PCNX1: variants seen among roughly 807,000 people sequenced by gnomAD.
PCNX1 encodes the protein pecanex-like protein 1.
PCNX1 carries 78 observed loss-of-function variants against 242.2 expected under a neutral mutation model. The observed-to-expected ratio is 0.32, with a 90% CI of 0.27 to 0.39. The LOEUF (loss-of-function observed/expected upper bound fraction) is 0.39, where lower values mean the gene tolerates loss of function less well. PCNX1 is among the 10% of genes least tolerant of loss of function. The pLI, the probability that PCNX1 is intolerant of heterozygous loss-of-function variation, is 1.00. For missense variants in PCNX1, 2,581 were observed against 2,856.5 expected (o/e 0.90, Z 2.20); for synonymous variants, 1,024 against 1,032.9 (o/e 0.99, Z 0.17).
Position 70,978,028 on chromosome 14 carries a change from C to G in PCNX1, c.1691C>G (p.Thr564Arg), listed in dbSNP as rs1566649444. The stretch of plus-strand genomic sequence containing the variant: ...GCCCACAAGTCAGGCAGGAGACGCA[C>G]AGGAAAAAAACGGGCTAGCAGTTTT... ...ASAHKSGRRRTGKKRASSFDS... is the reference protein window; with the variant it reads ...ASAHKSGRRRRGKKRASSFDS... Residue 564 changes from threonine (T) to arginine (R), a missense_variant, in exon 6 of 36, where the codon ACA becomes AGA. This residue lies in a region of PCNX1 where 1,204 missense variants were observed against 1,216.7 expected (regional missense o/e 0.99). Coordinates refer to ENST00000304743, the MANE Select transcript of PCNX1 (RefSeq NM_014982.3). 2 of 1,614,018 alleles carry G rather than the reference C, an allele frequency of 1.2e-6. No homozygotes were observed. Among genetic ancestry groups the G allele is most frequent in the Non-Finnish European group, 1.7e-6 (2 of 1,179,996 alleles).
chr14:70,996,000 T>G (rs2059340055), intron 8 of PCNX1, 75 bp downstream of exon 8: 1 of 1,107,012 alleles, frequency 9.0e-7, no homozygotes, highest in Non-Finnish European at 1.4e-6. Context: ...TTGCAGTTCT[T>G]TTTTGAGATA....
chr14:70,955,851 T>A, intron 2 of PCNX1, among the ~76,000 whole-genome samples: 1 of 152,282 alleles, frequency 6.6e-6, no homozygotes, highest in East Asian at 1.9e-4. Context: ...GCAGAAATTT[T>A]ACTAGAGGGT....
chr14:71,001,319 A>G (rs528153676), intron 8 of PCNX1, among the ~76,000 whole-genome samples: 2 of 152,224 alleles, frequency 1.3e-5, no homozygotes, highest in East Asian at 3.9e-4. Context: ...GGGAATATAC[A>G]TTTTTGGGGC....
intron 29 of PCNX1, 129 bp downstream of exon 29, chr14:71,088,559 C>A (rs2062050905): frequency 1.9e-6 from 1 of 534,210 alleles, no homozygotes; most frequent in Non-Finnish European, 3.4e-6. Context: ...TTTTATATTT[C>A]TATACATCAT....
intron 28 of PCNX1, among the ~76,000 whole-genome samples, chr14:71,087,020 A>G (rs1397142885): frequency 2.0e-5 from 3 of 152,186 alleles, no homozygotes; most frequent in African/African-American, 7.2e-5. Flanking sequence ...CACAGAAACA[A>G]TACATTTTTA....
intron 26 of PCNX1, among the ~76,000 whole-genome samples, chr14:71,058,709 C>G (rs2061246703): frequency 1.3e-5 from 2 of 152,198 alleles, no homozygotes. Context: ...GGAGCAAGTA[C>G]TAGTCTAGAA....
intron 2 of PCNX1, 64 bp from the exon 3 acceptor site, chr14:70,962,159 TAAC>T (rs2058237812): frequency 3.1e-6 from 3 of 978,186 alleles, no homozygotes; most frequent in Non-Finnish European, 4.8e-6. Context: ...CTTAAAAAAT[TAAC>T]AAAGGAAAAG....
chr14:71,027,307 T>G (rs1445903560), intron 15 of PCNX1: 2 of 152,348 alleles, frequency 1.3e-5, no homozygotes, highest in African/African-American at 4.8e-5. Flanking sequence ...TGTTTTATCC[T>G]TAGAATGGTA....
rs59575910 is a variant in PCNX1 at position 70,977,684 on chromosome 14, T to C, written c.1347T>C (p.Thr449=). The change falls in exon 6 of 36, where the codon ACT becomes ACC. Residue 449 remains threonine, a synonymous_variant. Coordinates refer to ENST00000304743, the MANE Select transcript of PCNX1 (RefSeq NM_014982.3). ...EKNSCASDKR[T]SSEKIAMEAS... ...ATAGCTGTGCCAGTGACAAAAGGAC[T>C]AGCAGTGAAAAGATTGCTATGGAAG... The C allele has an allele frequency of 1.6e-3, 2,660 of 1,614,046 alleles. 43 individuals are homozygous for C. In the African/African-American group the frequency reaches 0.03, roughly 18 times the overall value.
chr14:70,942,093 C>T (rs1184979482), intron 1 of PCNX1, among the ~76,000 whole-genome samples: 1 of 152,118 alleles, frequency 6.6e-6, no homozygotes, highest in African/African-American at 2.4e-5. Context: ...TGAGGTGATG[C>T]CCAGTCCTGC....
intron 15 of PCNX1, among the ~76,000 whole-genome samples, chr14:71,027,460 G>T (rs1363939554): frequency 1.3e-5 from 2 of 151,866 alleles, no homozygotes. Flanking sequence ...ATAATGGTTT[G>T]TAGAACTTGA....
At chr14:71,017,761 A>C (rs919692592) in intron 11 of PCNX1, among the ~76,000 whole-genome samples, 1 of 152,238 alleles carries the variant, frequency 6.6e-6, no homozygotes, top group African/African-American at 2.4e-5. Context: ...TGGATTTAGC[A>C]AATCTGAAAT....
Position 71,101,547 on chromosome 14 carries a change from A to AT in PCNX1, c.5590-442dup, listed in dbSNP as rs536646668. On this transcript the variant is annotated intron_variant, in intron 30 of 35. Transcript: ENST00000304743. ...TAGGTGAGAGGCAGGATAAAGTGAT[A>AT]TATTAGAACCCATTTTAGAGATACG... Among the ~76,000 whole-genome samples, 20 of 152,308 alleles carry AT rather than the reference A, an allele frequency of 1.3e-4. No individual in the cohort carries two copies. In the East Asian group the frequency reaches 3.7e-3, roughly 28 times the overall value.
At chr14:71,031,539 A>T in intron 16 of PCNX1, 1 of 432,100 alleles carries the variant, frequency 2.3e-6, no homozygotes. Context: ...GACAGCACAC[A>T]AGAATGCCCC....
intron 9 of PCNX1, among the ~76,000 whole-genome samples, chr14:71,010,425 C>T (rs969797613): frequency 9.9e-5 from 15 of 151,900 alleles, no homozygotes; most frequent in African/African-American, 3.6e-4. Flanking sequence ...AAATAATCAA[C>T]TTTCATTTTG....
At chr14:71,060,860 G>A (rs189887276) in intron 26 of PCNX1, 6 of 152,300 alleles carry the variant, frequency 3.9e-5, no homozygotes, top group Admixed American at 1.3e-4. Flanking sequence ...GTTTGTTTGC[G>A]ATATTGAAAG....
At chr14:70,910,015 C>G (rs1163564628) in intron 1 of PCNX1, among the ~76,000 whole-genome samples, 2 of 122,762 alleles carry the variant, frequency 1.6e-5, no homozygotes, top group East Asian at 4.8e-4. Context: ...CAAAACCTAA[C>G]TAGACGACGA....
chr14:71,096,464 C>G (rs2062284343), intron 30 of PCNX1, among the ~76,000 whole-genome samples: 1 of 152,152 alleles, frequency 6.6e-6, no homozygotes, highest in Non-Finnish European at 1.5e-5. Context: ...AAGTGAGATC[C>G]TGTCTCAAAA....
rs764331706 is a variant in PCNX1 at position 71,109,643 on chromosome 14, C to T, written c.6885+51C>T. ...CTGGGGCTCTGCCTTTTTTGAAGTC[C>T]GCCTCACTTGGATGCATGGTTTTAG... On this transcript the variant is annotated intron_variant, in intron 35 of 35. Coordinates refer to ENST00000304743, the MANE Select transcript of PCNX1 (RefSeq NM_014982.3). 118 of 1,605,218 alleles carry T rather than the reference C, an allele frequency of 7.4e-5. 1 individual carries two copies. Among genetic ancestry groups the T allele is most frequent in the South Asian group, 5.6e-4 (51 of 90,746 alleles).
Sources: allele counts gnomAD v4.1 joint callset (sites outside exome capture counted in the v4.1 genomes callset), GRCh38; gene constraint gnomAD v4.1.1; regional missense constraint gnomAD v4.1.1; transcripts MANE v1.5; gene names NCBI Gene and HGNC (gene_info 2026-07-23, HGNC 2026-07-21).